Variants in ERCC8 observed in about 807,000 individuals in gnomAD.
ERCC8 encodes DNA excision repair protein ERCC-8.
A neutral mutation model predicts 54.9 loss-of-function variants in ERCC8; 52 were observed. That is an observed-to-expected ratio of 0.95 (90% CI 0.76 to 1.19). The LOEUF (loss-of-function observed/expected upper bound fraction) is 1.19. Ranked by LOEUF, ERCC8 falls within the 50% of genes most tolerant of loss-of-function variation. The probability of loss-of-function intolerance (pLI) is 0.00; values close to 1 mark genes in which losing one functional copy is unlikely to be tolerated. For synonymous variants in ERCC8, 146 were observed against 157.2 expected, an observed-to-expected ratio of 0.93 and a Z score of 0.53; for missense variants, 514 against 466.1, an observed-to-expected ratio of 1.10 and a Z score of -0.95.
chr5:60,921,635 T>C (rs974510964), intron 3 of ERCC8, among the ~76,000 whole-genome samples: 32 of 151,910 alleles, frequency 2.1e-4, no homozygotes, highest in Non-Finnish European at 4.1e-4. Flanking sequence ...AATACCAATA[T>C]GTTTAGTATA....
At chr5:60,916,607 A>T (rs1749443015) in intron 4 of ERCC8, among the ~76,000 whole-genome samples, 1 of 152,080 alleles carries the variant, frequency 6.6e-6, no homozygotes, top group East Asian at 1.9e-4. Context: ...TTTCAATGAC[A>T]TGTATTTTAA....
intron 11 of ERCC8, among the ~76,000 whole-genome samples, chr5:60,883,271 CA>C (rs1382619541): frequency 6.6e-6 from 1 of 151,888 alleles, no homozygotes. Context: ...ATTTTATTGC[CA>C]AAACAATCAC....
At chr5:60,920,009 G>A (rs1189944352) in intron 3 of ERCC8, among the ~76,000 whole-genome samples, 1 of 151,958 alleles carries the variant, frequency 6.6e-6, no homozygotes, top group African/African-American at 2.4e-5. Context: ...GAAAATAAGA[G>A]CTCTACCTCT....
chr5:60,915,373 G>A (rs958597317), intron 4 of ERCC8: 1 of 152,050 alleles, frequency 6.6e-6, no homozygotes, highest in South Asian at 2.1e-4. Flanking sequence ...TTGCAGGTAG[G>A]AGAGGGAAGA....
At chr5:60,914,646 C>T (rs1036479187) in intron 4 of ERCC8, among the ~76,000 whole-genome samples, 6 of 151,608 alleles carry the variant, frequency 4.0e-5, no homozygotes, top group South Asian at 4.2e-4. Context: ...AAAAATTAGC[C>T]GGAGATGGTG....
At chr5:60,908,604 T>C (rs1183425725) in intron 4 of ERCC8, among the ~76,000 whole-genome samples, 3 of 149,414 alleles carry the variant, frequency 2.0e-5, no homozygotes, top group African/African-American at 4.9e-5. Context: ...AAATAATGGC[T>C]TTGTCAAGAT....
rs562163278 is a variant in ERCC8, at chr5:60,867,689, T to G, written c.*6926A>C. 6.6e-6 allele frequency among the ~76,000 whole-genome samples: 1 copy of G among 152,340 alleles called. No individual in the cohort carries two copies. The highest frequency in any genetic ancestry group is 6.5e-5 in the Admixed American group (1 of 15,304). On this transcript the variant is annotated 3_prime_UTR_variant, in exon 12 of 12. Coordinates refer to ENST00000676185, the MANE Select transcript of ERCC8 (RefSeq NM_000082.4). ...TACACAATAGTGGATGATACCATCA[T>G]GCAGGGTGTAGAGAAGCTGGAATTA...
Position 60,893,217 on chromosome 5 carries a change from C to A in ERCC8, c.844-2131G>T. On this transcript the variant is annotated intron_variant, in intron 9 of 11. Coordinates refer to ENST00000676185, the MANE Select transcript of ERCC8 (RefSeq NM_000082.4). ...CACATCAGAGTATTCTACCACCTCA[C>A]GGACTCCTTGTAATAAGCCTTCATA... 30 of 971,874 alleles carry A rather than the reference C, an allele frequency of 3.1e-5. No individual in the cohort carries two copies. The South Asian group carries it at 3.8e-4, about 12-fold the overall frequency. 60.2% of individuals were successfully genotyped at this position (971,874 alleles called of 1,614,324 possible).
Position 60,874,349 on chromosome 5 carries a change from C to A in ERCC8, c.*266G>T. On this transcript the variant is annotated 3_prime_UTR_variant, in exon 12 of 12. Transcript: ENST00000676185. ...TCTGCTGAAGGTCACAACTGAGGTA[C>A]AACGACTTGTGTTACTTGTACTGTA... is the stretch of plus-strand genomic sequence containing the variant. 2.6e-6 allele frequency: 1 copy of A among 389,278 alleles called. No homozygotes were observed. Among genetic ancestry groups the A allele is most frequent in the Non-Finnish European group, 4.6e-6 (1 of 217,084 alleles). The allele number at this position is 389,278 out of a possible 1,614,324, so 24.1% of individuals were successfully genotyped here.
chr5:60,869,047 C>G lies in ERCC8; in HGVS notation c.*5568G>C, dbSNP rs985190983. 9.2e-5 allele frequency among the ~76,000 whole-genome samples: 14 copies of G among 151,772 alleles called. No homozygotes were observed. The highest frequency in any genetic ancestry group is 6.6e-4 in the Admixed American group (10 of 15,222). ...TGCTTTAGTGATAAGTTTTTTAGTT[C>G]GGGCTCAATAATTAGCACCTGAACA... On this transcript the variant is annotated 3_prime_UTR_variant, in exon 12 of 12. Coordinates refer to ENST00000676185, the MANE Select transcript of ERCC8 (RefSeq NM_000082.4).
chr5:60,878,655 G>C (rs906023284), intron 11 of ERCC8, among the ~76,000 whole-genome samples: 1 of 152,142 alleles, frequency 6.6e-6, no homozygotes, highest in Non-Finnish European at 1.5e-5. Flanking sequence ...TAGTTTATTT[G>C]CATAGAGGTG....
At chr5:60,900,969 G>A (rs886609217) in intron 7 of ERCC8, 1 of 151,844 alleles carries the variant, frequency 6.6e-6, no homozygotes, top group Non-Finnish European at 1.5e-5. Flanking sequence ...CTGCACTTCA[G>A]AAATCATAAA....
intron 4 of ERCC8, among the ~76,000 whole-genome samples, chr5:60,911,208 C>T (rs1749249268): frequency 6.6e-6 from 1 of 151,910 alleles, no homozygotes; most frequent in Admixed American, 6.6e-5. Context: ...TATCCCTCCC[C>T]CTACTTCTCC....
chr5:60,900,620 A>T (rs887868221), intron 7 of ERCC8: 1 of 152,034 alleles, frequency 6.6e-6, no homozygotes, highest in South Asian at 2.1e-4. Context: ...AACCTAGCCA[A>T]CTGGAATAGT....
intron 11 of ERCC8, among the ~76,000 whole-genome samples, chr5:60,885,368 T>C (rs1367817364): frequency 6.6e-6 from 1 of 152,168 alleles, no homozygotes; most frequent in Non-Finnish European, 1.5e-5. Flanking sequence ...TCCTTTTCTA[T>C]ACATAAGTCA....
chr5:60,897,110 G>A (rs1748745078), intron 9 of ERCC8, among the ~76,000 whole-genome samples: 1 of 152,024 alleles, frequency 6.6e-6, no homozygotes, highest in African/African-American at 2.4e-5. Context: ...CTCGCCTCAG[G>A]GTCTTTGTAC....
intron 9 of ERCC8, 49 bp downstream of exon 9, chr5:60,898,227 A>C: frequency 3.2e-6 from 5 of 1,571,956 alleles, no homozygotes; most frequent in Non-Finnish European, 4.4e-6. Context: ...TGTATGTCAC[A>C]GATCCATTTC....
At chr5:60,908,398 G>A (rs371133123) in intron 4 of ERCC8, among the ~76,000 whole-genome samples, 2 of 151,602 alleles carry the variant, frequency 1.3e-5, no homozygotes, top group Non-Finnish European at 2.9e-5. Context: ...TGTATAGATC[G>A]ATTCCTGGAT....
rs371775205 is a variant in ERCC8 at position 60,873,000 on chromosome 5, G to A, written c.*1615C>T. ...TCATAGAAGTAGAGAGTAGAATGGT[G>A]GTTACCAGGAGCTAGGGTTGTTGGA... On this transcript the variant is annotated 3_prime_UTR_variant, in exon 12 of 12. Transcript: ENST00000676185. Among the ~76,000 whole-genome samples, 37 of 152,270 alleles carry A rather than the reference G, an allele frequency of 2.4e-4. No homozygotes were observed. The highest frequency in any genetic ancestry group is 8.7e-4 in the African/African-American group (36 of 41,558).
Sources: gnomAD v4.1 joint callset for allele counts (sites outside exome capture counted in the v4.1 genomes callset) on GRCh38, gnomAD v4.1.1 for gene constraint, MANE v1.5 for transcripts, NCBI Gene and HGNC (gene_info 2026-07-23, HGNC 2026-07-21) for gene names.